The following NRG1 variants were observed in gnomAD, a reference collection of about 807,000 sequenced individuals.
The protein encoded by NRG1 is pro-neuregulin-1, membrane-bound isoform.
NRG1 carries 18 observed loss-of-function variants against 63.8 expected under a neutral mutation model. That is an observed-to-expected ratio of 0.28 (90% CI 0.19 to 0.42). NRG1 has a LOEUF of 0.42. Among genes scored for constraint, NRG1 ranks in the 10% least tolerant of loss-of-function variants. NRG1 has a pLI of 1.00. For missense variants in NRG1, 762 were observed against 814.7 expected (o/e 0.94, Z 0.79); for synonymous variants, 302 against 301.3 (o/e 1.00, Z -0.02).
intron 1 of NRG1, among the ~76,000 whole-genome samples, chr8:32,357,920 AC>A (rs1806671134): frequency 6.6e-6 from 1 of 152,182 alleles, no homozygotes; most frequent in Non-Finnish European, 1.5e-5. Context: ...CCCCAGCATA[AC>A]ATTTTCCCAA....
chr8:32,122,604 GGT>G (rs1833593474), intron 1 of NRG1, among the ~76,000 whole-genome samples: 2 of 151,376 alleles, frequency 1.3e-5, no homozygotes, highest in South Asian at 4.2e-4. Context: ...TGTTTGATTT[GGT>G]TAAGAACTTT....
intron 1 of NRG1, among the ~76,000 whole-genome samples, chr8:31,781,996 C>T (rs1253273603): frequency 6.6e-5 from 10 of 152,104 alleles, no homozygotes; most frequent in Non-Finnish European, 1.0e-4. Context: ...CTTGGTCTCT[C>T]TCCCAAGGCT....
intron 1 of NRG1, among the ~76,000 whole-genome samples, chr8:32,213,785 CAAAG>C (rs749421808): frequency 9.9e-5 from 15 of 152,062 alleles, no homozygotes; most frequent in African/African-American, 3.4e-4. Context: ...ATTGGACTGA[CAAAG>C]ACAGCTTAAC....
intron 1 of NRG1, among the ~76,000 whole-genome samples, chr8:32,196,943 C>CTT (rs773398472): frequency 0.071 from 1,956 of 27,412 alleles, 765 homozygotes; most frequent in Non-Finnish European, 0.11. Context: ...TCAGAACATT[C>CTT]TTTTTTTTTT....
At chr8:32,277,926 A>G (rs6989832) in intron 1 of NRG1, among the ~76,000 whole-genome samples, 3,725 of 152,274 alleles carry the variant, frequency 0.024, 145 homozygotes, top group African/African-American at 0.083. Context: ...GCACTGAGCC[A>G]TGCTTCCCAC....
intron 1 of NRG1, among the ~76,000 whole-genome samples, chr8:31,873,005 T>A (rs868835492): frequency 3.9e-5 from 6 of 152,302 alleles, no homozygotes; most frequent in Middle Eastern, 6.8e-3. Flanking sequence ...CAAATAATGG[T>A]ACATAATTTA....
chr8:31,946,050 G>A (rs1802489271), intron 1 of NRG1, among the ~76,000 whole-genome samples: 1 of 152,014 alleles, frequency 6.6e-6, no homozygotes, highest in Non-Finnish European at 1.5e-5. Context: ...TTGGTTTTTT[G>A]CCTAGTGTTT....
At chr8:32,548,453 G>A in exon 1 of NRG1, 1 of 1,160,746 alleles carries the variant, frequency 8.6e-7, no homozygotes, top group Non-Finnish European at 1.1e-6. Context: ...GACGCGAGCC[G>A]CCAGCGGTGG....
rs537772404 is a variant in NRG1 at position 31,660,264 on chromosome 8, A to T, written c.37+20833A>T. On this transcript the variant is annotated intron_variant, in intron 1 of 10. Transcript: ENST00000519301. ...CTGTGGGATATGGAGAAGTTTGAGG[A>T]ATTTATGATACAGCTGGGGAGAAAA... Among the ~76,000 whole-genome samples, 9 of 150,056 alleles carry T rather than the reference A, an allele frequency of 6.0e-5. No homozygotes were observed. In the South Asian group the frequency reaches 2.0e-3, roughly 33 times the overall value.
intron 1 of NRG1, among the ~76,000 whole-genome samples, chr8:31,749,079 C>T (rs12155594): frequency 0.078 from 11,775 of 151,720 alleles, 635 homozygotes; most frequent in Non-Finnish European, 0.11. Context: ...ATTATGCAGC[C>T]ATTAAAAACT....
intron 1 of NRG1, among the ~76,000 whole-genome samples, chr8:31,832,278 G>A (rs1028562240): frequency 6.7e-6 from 1 of 149,874 alleles, no homozygotes. Flanking sequence ...CTTGAGATGG[G>A]GTCTCAGTCT....
At chr8:31,737,726 A>G (rs557483861) in intron 1 of NRG1, among the ~76,000 whole-genome samples, 1 of 152,196 alleles carries the variant, frequency 6.6e-6, no homozygotes, top group African/African-American at 2.4e-5. Flanking sequence ...GGTCAATTAG[A>G]CCACCTTCTC....
intron 1 of NRG1, among the ~76,000 whole-genome samples, chr8:32,496,530 C>T (rs1223533846): frequency 3.3e-5 from 5 of 152,044 alleles, no homozygotes; most frequent in African/African-American, 4.8e-5. Flanking sequence ...GTCAAGATTG[C>T]GGTGAGCTAT....
At chr8:31,655,980 G>A (rs1174455430) in intron 1 of NRG1, among the ~76,000 whole-genome samples, 1 of 152,212 alleles carries the variant, frequency 6.6e-6, no homozygotes, top group Non-Finnish European at 1.5e-5. Context: ...TTAGTGTATT[G>A]TCGACATATC....
At chr8:32,485,916 T>C (rs1161817347) in intron 1 of NRG1, among the ~76,000 whole-genome samples, 1 of 152,154 alleles carries the variant, frequency 6.6e-6, no homozygotes, top group African/African-American at 2.4e-5. Context: ...AATTTGCACT[T>C]ATTTCTTTCT....
chr8:32,233,733 T>G (rs560025485), intron 1 of NRG1, among the ~76,000 whole-genome samples: 521 of 151,600 alleles, frequency 3.4e-3, no homozygotes, highest in Non-Finnish European at 5.1e-3. Context: ...CCCAGCTAAT[T>G]TTCATATTTT....
At chr8:32,323,082 C>T (rs1801602248) in intron 1 of NRG1, among the ~76,000 whole-genome samples, 1 of 151,980 alleles carries the variant, frequency 6.6e-6, no homozygotes, top group East Asian at 1.9e-4. Context: ...ATGAAATATG[C>T]TCGGTTTTAC....
intron 5 of NRG1, among the ~76,000 whole-genome samples, chr8:32,622,455 T>C: frequency 6.6e-6 from 1 of 152,150 alleles, no homozygotes; most frequent in East Asian, 1.9e-4. Flanking sequence ...CAGGCTGGAG[T>C]GCAGTAGTGC....
intron 1 of NRG1, among the ~76,000 whole-genome samples, chr8:31,708,855 T>G (rs1047212314): frequency 6.6e-6 from 1 of 152,172 alleles, no homozygotes; most frequent in Non-Finnish European, 1.5e-5. Context: ...GGTTAGAGGG[T>G]TAGGGGCACC....
Sources: allele counts gnomAD v4.1 joint callset (sites outside exome capture counted in the v4.1 genomes callset), GRCh38; gene constraint gnomAD v4.1.1; transcripts MANE v1.5; gene names NCBI Gene and HGNC (gene_info 2026-07-23, HGNC 2026-07-21).